Variants in NACAD observed in about 807,000 individuals in gnomAD.
NACAD encodes NAC-alpha domain-containing protein 1.
NACAD carries 47 observed loss-of-function variants against 98.9 expected under a neutral mutation model. That is an observed-to-expected ratio of 0.48 (90% CI 0.38 to 0.61). The LOEUF (loss-of-function observed/expected upper bound fraction) is 0.61, where lower values mean the gene tolerates loss of function less well. NACAD is among the 20% of genes least tolerant of loss of function. NACAD has a pLI of 0.00. For synonymous variants in NACAD, 696 were observed against 767.2 expected (o/e 0.91, Z 1.53); for missense variants, 1,412 against 1,748.2 (o/e 0.81, Z 3.43).
chr7:45,085,568 C>T lies in NACAD; in HGVS notation c.612G>A (p.Leu204=). 1.9e-6 allele frequency: 3 copies of T among 1,550,232 alleles called. No individual in the cohort carries two copies. Among genetic ancestry groups the T allele is most frequent in the East Asian group, 2.4e-5 (1 of 40,898 alleles). Residue 204 remains leucine (L), a synonymous_variant, in exon 2 of 8, where the codon CTG becomes CTA. Transcript: ENST00000490531. The surrounding 1 kb of genome is among the most constrained non-coding windows in gnomAD (Gnocchi z 6.1). The stretch of plus-strand genomic sequence containing the variant: ...GGGGCGAGTCCAGCAGCTCATCCCG[C>T]AGCTCAGCCTCTGAGTCCCTGGCGT... ...HGDARDSEAE[L]RDELLDSPPA...
chr7:45,084,307 T>C lies in NACAD; in HGVS notation c.1873A>G (p.Ile625Val). Residue 625 changes from isoleucine to valine, a missense_variant, in exon 2 of 8, where the codon ATT becomes GTT. Coordinates refer to ENST00000490531, the MANE Select transcript of NACAD (RefSeq NM_001146334.2). ...CCCTCTTCAGCCTGCTGGGACACAATCGTGGCTGCAGCCACAGGCTTTGGG... is the reference window on the plus strand; with the variant it reads ...CCCTCTTCAGCCTGCTGGGACACAACCGTGGCTGCAGCCACAGGCTTTGGG... Reference protein sequence around the residue: ...SAPKPVAAATIVSQQAEEGLT... With the variant: ...SAPKPVAAATVVSQQAEEGLT... 8.4e-7 allele frequency: 1 copy of C among 1,195,248 alleles called. No homozygotes were observed. The highest frequency in any genetic ancestry group is 4.4e-5 in the East Asian group (1 of 22,788). 74.0% of individuals were successfully genotyped at this position (1,195,248 alleles called of 1,614,324 possible).
Position 45,085,979 on chromosome 7 carries a change from G to A in NACAD, c.201C>T (p.Pro67=), listed in dbSNP as rs1784517016. The A allele has an allele frequency of 3.9e-6, 6 of 1,537,816 alleles. 1 individual carries two copies. Among genetic ancestry groups the A allele is most frequent in the South Asian group, 3.6e-5 (3 of 83,240 alleles). The part of the protein sequence containing the change: ...LPSKPGARPQ[P]EGASWDAGPG... ...GCCCTGCATCCCAGCTGGCTCCCTC[G>A]GGCTGGGGCCGGGCACCCGGCTTGC... The change falls in exon 2 of 8, where the codon CCC becomes CCT. Residue 67 remains proline (P), a synonymous_variant. Coordinates refer to ENST00000490531, the MANE Select transcript of NACAD (RefSeq NM_001146334.2). The surrounding 1 kb of genome is among the most constrained non-coding windows in gnomAD (Gnocchi z 6.1).
At position 45,084,903 on chromosome 7, in the gene NACAD, T is replaced by C; in HGVS notation, c.1277A>G (p.Glu426Gly). ...CAGCCCCTTGGCCCCACCTCCGCTCTCCTCCTCTGTCTTCTGGACACTGTC... is the reference window on the plus strand; with the variant it reads ...CAGCCCCTTGGCCCCACCTCCGCTCCCCTCCTCTGTCTTCTGGACACTGTC... Reference protein sequence around the residue: ...LQDSVQKTEEESGGGAKGLQA... With the variant: ...LQDSVQKTEEGSGGGAKGLQA... The change falls in exon 2 of 8, where the codon GAG (glutamate) becomes GGG (glycine). Residue 426 changes from glutamate to glycine, a missense_variant. Coordinates refer to ENST00000490531, the MANE Select transcript of NACAD (RefSeq NM_001146334.2). The C allele has an allele frequency of 1.3e-6, 2 of 1,551,044 alleles. No homozygotes were observed. The highest frequency in any genetic ancestry group is 1.7e-6 in the Non-Finnish European group (2 of 1,146,900).
chr7:45,084,604 G>A lies in NACAD; in HGVS notation c.1576C>T (p.Gln526Ter), dbSNP rs1562928234. The A allele has an allele frequency of 1.3e-6, 2 of 1,551,830 alleles. No individual in the cohort carries two copies. Among genetic ancestry groups the A allele is most frequent in the Non-Finnish European group, 1.7e-6 (2 of 1,147,012 alleles). Reference sequence around the variant, plus strand: ...TCGCTGATGCCCTCCTGGGAGGGCTGAGGCATTGCCATGGCAGCAGATTCT... The same window carrying A: ...TCGCTGATGCCCTCCTGGGAGGGCTAAGGCATTGCCATGGCAGCAGATTCT... ...GQESAAMAMP[Q>*]PSQEGISEIL... Residue 526 changes from glutamine to a stop codon, truncating the protein, a stop_gained, in exon 2 of 8, where the codon CAG (glutamine) becomes TAG (stop). Transcript: ENST00000490531. LOFTEE classifies it high-confidence loss of function.
chr7:45,083,288 C>A lies in NACAD; in HGVS notation c.2892G>T (p.Met964Ile). Residue 964 changes from methionine to isoleucine, a missense_variant, in exon 2 of 8, where the codon ATG (methionine) becomes ATT (isoleucine). Met to Ile is a conservative substitution (Grantham distance 10). This residue lies in a region of NACAD where 572 missense variants were observed against 639.6 expected (regional missense o/e 0.89). Transcript: ENST00000490531. ...CAPGTEPVATMAQQEVGEALG... is the reference protein window; with the variant it reads ...CAPGTEPVATIAQQEVGEALG... ...AGGCCTCACCTACTTCCTGCTGAGCCATGGTGGCCACAGGCTCTGTCCCTG... is the reference window on the plus strand; with the variant it reads ...AGGCCTCACCTACTTCCTGCTGAGCAATGGTGGCCACAGGCTCTGTCCCTG... 1 of 1,551,194 alleles carries A rather than the reference C, an allele frequency of 6.4e-7. No individual in the cohort carries two copies. The highest frequency in any genetic ancestry group is 8.7e-7 in the Non-Finnish European group (1 of 1,147,006).
chr7:45,083,420 G>A lies in NACAD; in HGVS notation c.2760C>T (p.Ser920=), dbSNP rs984974738. The A allele has an allele frequency of 1.9e-5, 29 of 1,550,002 alleles. No individual in the cohort carries two copies. Among genetic ancestry groups the A allele is most frequent in the African/African-American group, 1.5e-4 (11 of 73,018 alleles). ...AEEGLTLPQD[S]AMTAPLPLQD... is the part of the protein sequence containing the mutation. ...GCAGAGGCAGAGGTGCTGTCATAGC[G>A]GAGTCCTGGGGTAAGGTGAGGCCCT... is the stretch of plus-strand genomic sequence containing the variant. Residue 920 remains serine, a synonymous_variant, in exon 2 of 8, where the codon TCC becomes TCT. Coordinates refer to ENST00000490531, the MANE Select transcript of NACAD (RefSeq NM_001146334.2).
rs887176743 is a variant in NACAD, at chr7:45,082,448, C to A, written c.3732G>T (p.Glu1244Asp). 12 of 1,548,686 alleles carry A rather than the reference C, an allele frequency of 7.7e-6. No individual in the cohort carries two copies. In the African/African-American group the frequency reaches 1.1e-4, roughly 14 times the overall value. Reference protein sequence around the residue: ...TLAGAALPPLEPPAPCLCQDP... With the variant: ...TLAGAALPPLDPPAPCLCQDP... ...CCTGGCACAGGCAGGGGGCTGGGGG[C>A]TCCAGTGGGGGTAGGGCTGCCCCAG... is the stretch of plus-strand genomic sequence containing the variant. The change falls in exon 2 of 8, where the codon GAG becomes GAT. Residue 1244 changes from glutamate to aspartate, a missense_variant. By Grantham distance (45) the Glu-to-Asp change is conservative. Transcript: ENST00000490531. The surrounding 1 kb of genome is among the most constrained non-coding windows in gnomAD (Gnocchi z 4.5).
chr7:45,081,207 C>T lies in NACAD; in HGVS notation c.4314G>A (p.Gln1438=). 1 of 1,551,494 alleles carries T rather than the reference C, an allele frequency of 6.4e-7. No homozygotes were observed. Among genetic ancestry groups the T allele is most frequent in the Non-Finnish European group, 8.7e-7 (1 of 1,147,000 alleles). Residue 1438 remains glutamine (Q), a synonymous_variant, in exon 5 of 8, where the codon CAG becomes CAA. Coordinates refer to ENST00000490531, the MANE Select transcript of NACAD (RefSeq NM_001146334.2). ...TGACAAAGAGGATGTTCTTGGACTT[C>T]TGGATGGTGATCCTGGTGACTCCCT... The part of the protein sequence containing the change: ...QIQGVTRITI[Q]KSKNILFVIA...
chr7:45,085,448 C>T lies in NACAD; in HGVS notation c.732G>A (p.Gly244=). ...GGCCCCAGCCTGAGGGGAAGTCCAG[C>T]CCTTCAGCCGGAGCCAGCAGGCTGA... is the stretch of plus-strand genomic sequence containing the variant. ...CSLSLLAPAE[G]LDFPSGWGLS... Residue 244 remains glycine, a synonymous_variant, in exon 2 of 8, where the codon GGG becomes GGA. Transcript: ENST00000490531. This position sits in a 1 kb window ranked among gnomAD's most constrained non-coding sequence, Gnocchi z 6.1. The T allele has an allele frequency of 6.5e-7, 1 of 1,549,248 alleles. No individual in the cohort carries two copies. Among genetic ancestry groups the T allele is most frequent in the Non-Finnish European group, 8.7e-7 (1 of 1,146,218 alleles).
In NACAD at chr7:45,085,381, G is replaced by T; in HGVS notation, c.799C>A (p.Pro267Thr). 2 of 1,548,566 alleles carry T rather than the reference G, an allele frequency of 1.3e-6. No individual in the cohort carries two copies. The highest frequency in any genetic ancestry group is 8.7e-7 in the Non-Finnish European group (1 of 1,145,664). ...GACGGGGGCTCTGGGGTCCCTGCTG[G>T]GTGCAGCTCTCGTTCATCCACCATG... ...GSMVDERELH[P>T]AGTPEPPSSE... is the part of the protein sequence containing the mutation. Residue 267 changes from proline (P) to threonine (T), a missense_variant, in exon 2 of 8, where the codon CCA becomes ACA. Physicochemically the swap from Pro to Thr is conservative, Grantham distance 38 (BLOSUM62 -1). This residue lies in a region of NACAD where 638 missense variants were observed against 722.7 expected (regional missense o/e 0.88). Transcript: ENST00000490531. This position sits in a 1 kb window ranked among gnomAD's most constrained non-coding sequence, Gnocchi z 6.1.
At chr7:45,087,217 C>T (rs1784534445) in intron 1 of NACAD, among the ~76,000 whole-genome samples, 1 of 152,218 alleles carries the variant, frequency 6.6e-6, no homozygotes, top group Non-Finnish European at 1.5e-5. Context: ...CTCTTACTGG[C>T]CTGTATTTTA....
rs915903875 is a variant in NACAD at position 45,085,912 on chromosome 7, C to G, written c.268G>C (p.Gly90Arg). The change falls in exon 2 of 8, where the codon GGC (glycine) becomes CGC (arginine). Residue 90 changes from glycine to arginine, a missense_variant. Gly to Arg is a moderately radical substitution (Grantham distance 125, BLOSUM62 -2). Transcript: ENST00000490531. The surrounding 1 kb of genome is among the most constrained non-coding windows in gnomAD (Gnocchi z 6.1). ...TCAGGGAGGAGCATGGGGCTTGGGC[C>G]GCCCTCCCCTGGGTCCGCCCAGGCC... ...PSAWADPGEGGPSPMLLPEGL... is the reference protein window; with the variant it reads ...PSAWADPGEGRPSPMLLPEGL... The G allele has an allele frequency of 6.5e-7, 1 of 1,545,916 alleles. No homozygotes were observed. Among genetic ancestry groups the G allele is most frequent in the South Asian group, 1.2e-5 (1 of 83,596 alleles).
chr7:45,085,072 T>C lies in NACAD; in HGVS notation c.1108A>G (p.Ile370Val), dbSNP rs942910196. 1.0e-5 allele frequency: 16 copies of C among 1,550,986 alleles called. No individual in the cohort carries two copies. The Middle Eastern group carries it at 5.0e-4, about 48-fold the overall frequency. ...SFLQSLSDLS[I>V]TEGMDEAFAF... ...AAAGCCTCGTCCATGCCCTCCGTGATGGACAGGTCAGACAGTGACTGCAGG... is the reference window on the plus strand; with the variant it reads ...AAAGCCTCGTCCATGCCCTCCGTGACGGACAGGTCAGACAGTGACTGCAGG... Residue 370 changes from isoleucine to valine, a missense_variant, in exon 2 of 8, where the codon ATC (isoleucine) becomes GTC (valine). Around this residue, in one of 5 missense-constraint regions of NACAD, gnomAD observed 638 missense variants for 722.7 expected, o/e 0.88. Transcript: ENST00000490531. This position sits in a 1 kb window ranked among gnomAD's most constrained non-coding sequence, Gnocchi z 6.1.
intron 1 of NACAD, among the ~76,000 whole-genome samples, chr7:45,086,555 A>T (rs933727839): frequency 1.5e-4 from 23 of 152,202 alleles, no homozygotes; most frequent in African/African-American, 4.1e-4. Context: ...GATGCGCCAC[A>T]TGAGGCAGGT....
Position 45,085,953 on chromosome 7 carries a change from G to A in NACAD, c.227C>T (p.Pro76Leu). 6.5e-7 allele frequency: 1 copy of A among 1,538,254 alleles called. No individual in the cohort carries two copies. The highest frequency in any genetic ancestry group is 8.8e-7 in the Non-Finnish European group (1 of 1,141,332). ...CGCCCAGGCCGAGGGTGCCCCACCAGGCCCTGCATCCCAGCTGGCTCCCTC... is the reference window on the plus strand; with the variant it reads ...CGCCCAGGCCGAGGGTGCCCCACCAAGCCCTGCATCCCAGCTGGCTCCCTC... ...QPEGASWDAG[P>L]GGAPSAWADP... The change falls in exon 2 of 8, where the codon CCT (proline) becomes CTT (leucine). Residue 76 changes from proline to leucine, a missense_variant. Pro to Leu is a moderately conservative substitution (Grantham distance 98). This residue lies in a region of NACAD where 638 missense variants were observed against 722.7 expected (regional missense o/e 0.88). Transcript: ENST00000490531. The surrounding 1 kb of genome is among the most constrained non-coding windows in gnomAD (Gnocchi z 6.1).
chr7:45,084,551 T>G lies in NACAD; in HGVS notation c.1629A>C (p.Ala543=). The change falls in exon 2 of 8, where the codon GCA becomes GCC. Residue 543 remains alanine, a synonymous_variant. Coordinates refer to ENST00000490531, the MANE Select transcript of NACAD (RefSeq NM_001146334.2). ...CTTCCTGTGGAGTTGGAAGTTTTTC[T>G]GCAGTGACAGACTCTTGGCCTAAGA... ...SEILGQESVT[A]EKLPTPQEET... is the part of the protein sequence containing the mutation. The G allele has an allele frequency of 6.4e-7, 1 of 1,552,194 alleles. No homozygotes were observed. The highest frequency in any genetic ancestry group is 8.7e-7 in the Non-Finnish European group (1 of 1,147,092).
intron 4 of NACAD, 105 bp downstream of exon 4, chr7:45,081,496 T>C: frequency 7.0e-7 from 1 of 1,424,514 alleles, no homozygotes. Flanking sequence ...AAAGGTCCCC[T>C]GATGGATGGG....
At chr7:45,086,155 TC>T in intron 1 of NACAD, 43 bp from the exon 2 acceptor site, 1 of 1,523,174 alleles carries the variant, frequency 6.6e-7, no homozygotes, top group Non-Finnish European at 8.8e-7. Flanking sequence ...TGGATGCATC[TC>T]CCAGGCAAGG....
chr7:45,082,376 C>T lies in NACAD; in HGVS notation c.3804G>A (p.Leu1268=), dbSNP rs572502453. 13 of 1,550,060 alleles carry T rather than the reference C, an allele frequency of 8.4e-6. No homozygotes were observed. In the African/African-American group the frequency reaches 1.6e-4, roughly 20 times the overall value. ...CTCCTGCCTGGGGCGGTGGGAGGCC[C>T]AGAGAGCCTGGGGGCTCCTCGTCTT... ...SVEDEEPPGS[L]GLPPPQAGVQ... Residue 1268 remains leucine (L), a synonymous_variant, in exon 2 of 8, where the codon CTG becomes CTA. Transcript: ENST00000490531. The surrounding 1 kb of genome is among the most constrained non-coding windows in gnomAD (Gnocchi z 4.5).
Sources: gnomAD v4.1 joint callset for allele counts (sites outside exome capture counted in the v4.1 genomes callset) on GRCh38, gnomAD v4.1.1 for gene constraint, gnomAD v4.1.1 regional missense constraint, Gnocchi (gnomAD v3.1) non-coding constraint, MANE v1.5 for transcripts, NCBI Gene and HGNC (gene_info 2026-07-23, HGNC 2026-07-21) for gene names.